Variants in RNF224 observed in about 807,000 individuals in gnomAD.
The protein encoded by RNF224 is ring finger protein 224.
RNF224 carries 1 observed loss-of-function variant against 2.9 expected under a neutral mutation model. The ratio of observed to expected loss-of-function variants is 0.35; its 90% CI spans 0.12 to 1.66. The LOEUF is 1.66. RNF224 is among the 40% of genes most tolerant of loss of function. The probability of loss-of-function intolerance (pLI) is 0.35; values close to 1 mark genes in which losing one functional copy is unlikely to be tolerated. For missense variants in RNF224, 254 were observed against 221.8 expected (o/e 1.15, Z -0.92); for synonymous variants, 116 against 97.6 (o/e 1.19, Z -1.11).
Position 137,228,188 on chromosome 9 carries a change from C to A in RNF224, c.-148C>A. ...AGGCTTTGTGGCTGAAACGGGAGCCCACGCCCGCCACAGCTGGCCACCTGC... is the reference window on the plus strand; with the variant it reads ...AGGCTTTGTGGCTGAAACGGGAGCCAACGCCCGCCACAGCTGGCCACCTGC... On this transcript the variant is annotated 5_prime_UTR_variant, in exon 2 of 3. Transcript: ENST00000445101. 1.4e-6 allele frequency: 1 copy of A among 698,376 alleles called. No individual in the cohort carries two copies. Among genetic ancestry groups the A allele is most frequent in the Non-Finnish European group, 2.4e-6 (1 of 424,980 alleles). The allele number at this position is 698,376 out of a possible 1,614,324, so 43.3% of individuals were successfully genotyped here. A position where few individuals can be genotyped will look rare whatever the true frequency, so the allele number is the denominator to read the frequency against.
chr9:137,228,967 C>T lies in RNF224; in HGVS notation c.352C>T (p.Arg118Trp), dbSNP rs550256279. The change falls in exon 3 of 3, where the codon CGG (arginine) becomes TGG (tryptophan). Residue 118 changes from arginine to tryptophan, a missense_variant. By Grantham distance (101) the Arg-to-Trp change is moderately radical. Coordinates refer to ENST00000445101, the MANE Select transcript of RNF224 (RefSeq NM_001190228.2). ...LTSLKGSAIT[R>W]QPAGLCPALG... ...CTCCCTCAAAGGCAGCGCCATCACT[C>T]GGCAGCCAGCTGGGCTGTGCCCTGC... 1.3e-4 allele frequency: 193 copies of T among 1,535,684 alleles called. No individual in the cohort carries two copies. The African/African-American group carries it at 2.2e-3, about 18-fold the overall frequency.
At chr9:137,228,582 C>T (rs1836036124) in intron 2 of RNF224, 40 bp from the exon 3 acceptor site, 1 of 1,397,408 alleles carries the variant, frequency 7.2e-7, no homozygotes, top group Admixed American at 2.8e-5. Flanking sequence ...GGCGGAAGGT[C>T]CTCGAGGCAG....
At position 137,229,047 on chromosome 9, in the gene RNF224, C is replaced by T; in HGVS notation, c.432C>T (p.Gly144=). Residue 144 remains glycine (G), a synonymous_variant, in exon 3 of 3, where the codon GGC becomes GGT. Coordinates refer to ENST00000445101, the MANE Select transcript of RNF224 (RefSeq NM_001190228.2). ...CCAGATACTGCTGCTGGGGCTGTGG[C>T]AGCCTCTGCTGCCCACCCCTAGGCA... The part of the protein sequence containing the change: ...PQPRYCCWGC[G]SLCCPPLGSP... 1 of 1,533,666 alleles carries T rather than the reference C, an allele frequency of 6.5e-7. No homozygotes were observed. The highest frequency in any genetic ancestry group is 8.7e-7 in the Non-Finnish European group (1 of 1,145,230).
intron 1 of RNF224, 45 bp from the exon 2 acceptor site, chr9:137,228,107 G>A (rs1309358303): frequency 1.1e-5 from 6 of 549,942 alleles, no homozygotes; most frequent in Non-Finnish European, 1.9e-5. Context: ...GGGTGGGCAG[G>A]GGGCGGGGGG....
In RNF224 at chr9:137,229,233, G is replaced by A. The variant is rs914754381; in HGVS notation, c.*147G>A. On this transcript the variant is annotated 3_prime_UTR_variant, in exon 3 of 3. Transcript: ENST00000445101. Reference sequence around the variant, plus strand: ...GGCCCAGCAGGGTGGTGTCATCCCAGCCGTGAACATCCCAGGCCACAGCCT... The same window carrying A: ...GGCCCAGCAGGGTGGTGTCATCCCAACCGTGAACATCCCAGGCCACAGCCT... 2 of 610,828 alleles carry A rather than the reference G, an allele frequency of 3.3e-6. No homozygotes were observed. Among genetic ancestry groups the A allele is most frequent in the East Asian group, 5.5e-5 (2 of 36,276 alleles). 37.8% of individuals were successfully genotyped at this position (610,828 alleles called of 1,614,324 possible).
In RNF224 at chr9:137,228,283, C is replaced by T; in HGVS notation, c.-53C>T. 1.3e-6 allele frequency: 2 copies of T among 1,527,754 alleles called. No homozygotes were observed. The highest frequency in any genetic ancestry group is 1.8e-6 in the Non-Finnish European group (2 of 1,142,432). The allele number at this position is 1,527,754 out of a possible 1,614,324, so 94.6% of individuals were successfully genotyped here. A position where few individuals can be genotyped will look rare whatever the true frequency, so the allele number is the denominator to read the frequency against. ...GGAGCCGCAGGGCGCCCTGGGTCCC[C>T]CACTCCCTTCTCCGGCCACCCCGTG... On this transcript the variant is annotated 5_prime_UTR_variant, in exon 2 of 3. Transcript: ENST00000445101.
rs1433680714 is a variant in RNF224, at chr9:137,228,931, CT to C, written c.317del (p.Leu106ArgfsTer46). The C allele has an allele frequency of 3.9e-6, 6 of 1,535,776 alleles. No individual in the cohort carries two copies. On this transcript the variant is annotated frameshift_variant, in exon 3 of 3. Coordinates refer to ENST00000445101, the MANE Select transcript of RNF224 (RefSeq NM_001190228.2). LOFTEE classifies it low-confidence loss of function (END_TRUNC). Reference protein sequence around the residue: ...AEREPARLEPLPLTSLKGSAI... With the variant: ...AEREPARLEPXPLTSLKGSAI... ...GCGGGAGCCGGCAAGACTAGAACCC[CT>C]GCCCCTCACCTCCCTCAAAGGCAGC...
At position 137,229,165 on chromosome 9, in the gene RNF224, C is replaced by G. The variant is rs1375096660; in HGVS notation, c.*79C>G. On this transcript the variant is annotated 3_prime_UTR_variant, in exon 3 of 3. Transcript: ENST00000445101. ...CACACACCATCATGGGTTCAGCCCA[C>G]TCAGAACAACCTGGCAGTAGCATCC... The G allele has an allele frequency of 2.4e-6, 2 of 825,210 alleles. No individual in the cohort carries two copies. The highest frequency in any genetic ancestry group is 3.8e-6 in the Non-Finnish European group (2 of 526,700). The allele number at this position is 825,210 out of a possible 1,614,324, so 51.1% of individuals were successfully genotyped here.
At position 137,229,168 on chromosome 9, in the gene RNF224, A is replaced by G. The variant is rs1226213828; in HGVS notation, c.*82A>G. 3 of 809,648 alleles carry G rather than the reference A, an allele frequency of 3.7e-6. No homozygotes were observed. The highest frequency in any genetic ancestry group is 5.8e-6 in the Non-Finnish European group (3 of 513,498). 50.2% of individuals were successfully genotyped at this position (809,648 alleles called of 1,614,324 possible). On this transcript the variant is annotated 3_prime_UTR_variant, in exon 3 of 3. Transcript: ENST00000445101. ...ACACCATCATGGGTTCAGCCCACTC[A>G]GAACAACCTGGCAGTAGCATCCTAT... is the stretch of plus-strand genomic sequence containing the variant.
At position 137,228,270 on chromosome 9, in the gene RNF224, C is replaced by T. The variant is rs1263611376; in HGVS notation, c.-66C>T. On this transcript the variant is annotated 5_prime_UTR_variant, in exon 2 of 3. Transcript: ENST00000445101. ...TGCAACCCAGGAGGGAGCCGCAGGGCGCCCTGGGTCCCCCACTCCCTTCTC... is the reference window on the plus strand; with the variant it reads ...TGCAACCCAGGAGGGAGCCGCAGGGTGCCCTGGGTCCCCCACTCCCTTCTC... 14 of 1,506,370 alleles carry T rather than the reference C, an allele frequency of 9.3e-6. No homozygotes were observed. Among genetic ancestry groups the T allele is most frequent in the South Asian group, 2.4e-5 (2 of 83,166 alleles). 93.3% of individuals were successfully genotyped at this position (1,506,370 alleles called of 1,614,324 possible). A position where few individuals can be genotyped will look rare whatever the true frequency, so the allele number is the denominator to read the frequency against.
rs536299179 is a variant in RNF224 at position 137,228,264 on chromosome 9, G to A, written c.-72G>A. 7.4e-6 allele frequency: 11 copies of A among 1,484,678 alleles called. No homozygotes were observed. The East Asian group carries it at 7.6e-5, about 10-fold the overall frequency. 92.0% of individuals were successfully genotyped at this position (1,484,678 alleles called of 1,614,324 possible). On this transcript the variant is annotated 5_prime_UTR_variant, in exon 2 of 3. Transcript: ENST00000445101. Reference sequence around the variant, plus strand: ...CAGTAATGCAACCCAGGAGGGAGCCGCAGGGCGCCCTGGGTCCCCCACTCC... The same window carrying A: ...CAGTAATGCAACCCAGGAGGGAGCCACAGGGCGCCCTGGGTCCCCCACTCC...
chr9:137,229,277 G>C lies in RNF224; in HGVS notation c.*191G>C. ...ACAGCCTAAGGTTGGGGGCTGGGAGGCTCCGCAGGAGGCTGGTGACCTCCC... is the reference window on the plus strand; with the variant it reads ...ACAGCCTAAGGTTGGGGGCTGGGAGCCTCCGCAGGAGGCTGGTGACCTCCC... On this transcript the variant is annotated 3_prime_UTR_variant, in exon 3 of 3. Coordinates refer to ENST00000445101, the MANE Select transcript of RNF224 (RefSeq NM_001190228.2). 1 of 593,050 alleles carries C rather than the reference G, an allele frequency of 1.7e-6. No homozygotes were observed. The allele number at this position is 593,050 out of a possible 1,614,324, so 36.7% of individuals were successfully genotyped here.
In RNF224 at chr9:137,228,921, A is replaced by C; in HGVS notation, c.306A>C (p.Arg102Ser). 1 of 1,535,686 alleles carries C rather than the reference A, an allele frequency of 6.5e-7. No homozygotes were observed. Among genetic ancestry groups the C allele is most frequent in the Non-Finnish European group, 8.7e-7 (1 of 1,146,800 alleles). ...TCAAGGCTGAGCGGGAGCCGGCAAG[A>C]CTAGAACCCCTGCCCCTCACCTCCC... is the stretch of plus-strand genomic sequence containing the variant. ...LAVKAEREPARLEPLPLTSLK... is the reference protein window; with the variant it reads ...LAVKAEREPASLEPLPLTSLK... The change falls in exon 3 of 3, where the codon AGA (arginine) becomes AGC (serine). Residue 102 changes from arginine (R) to serine (S), a missense_variant. Physicochemically the swap from Arg to Ser is moderately radical, Grantham distance 110. Transcript: ENST00000445101.
intron 1 of RNF224, 29 bp downstream of exon 1, chr9:137,227,890 G>C: frequency 5.8e-6 from 1 of 173,728 alleles, no homozygotes; most frequent in South Asian, 1.3e-4. Flanking sequence ...ATGGAGGGGA[G>C]GTTAAGGGAA....
rs990698744 is a variant in RNF224, at chr9:137,229,212, C to T, written c.*126C>T. ...ATCCTATACGCAGCTTCGTGTGGCC[C>T]AGCAGGGTGGTGTCATCCCAGCCGT... On this transcript the variant is annotated 3_prime_UTR_variant, in exon 3 of 3. Transcript: ENST00000445101. The T allele has an allele frequency of 1.3e-5, 8 of 632,018 alleles. No individual in the cohort carries two copies. Among genetic ancestry groups the T allele is most frequent in the African/African-American group, 7.3e-5 (4 of 54,664 alleles). The allele number at this position is 632,018 out of a possible 1,614,324, so 39.2% of individuals were successfully genotyped here.
rs1588834987 is a variant in RNF224 at position 137,228,912 on chromosome 9, G to A, written c.297G>A (p.Glu99=). The change falls in exon 3 of 3, where the codon GAG becomes GAA. Residue 99 remains glutamate, a synonymous_variant. Transcript: ENST00000445101. The part of the protein sequence containing the change: ...AAFLAVKAER[E]PARLEPLPLT... ...TCCTGGCGGTCAAGGCTGAGCGGGA[G>A]CCGGCAAGACTAGAACCCCTGCCCC... The A allele has an allele frequency of 6.5e-7, 1 of 1,535,608 alleles. No individual in the cohort carries two copies. The highest frequency in any genetic ancestry group is 8.7e-7 in the Non-Finnish European group (1 of 1,146,838).
chr9:137,228,651 C>A lies in RNF224; in HGVS notation c.36C>A (p.Leu12=), dbSNP rs750218981. Residue 12 remains leucine (L), a synonymous_variant, in exon 3 of 3, where the codon CTC becomes CTA. Transcript: ENST00000445101. ...QDAAAGGPPG[L]GGGGPPEERT... is the part of the protein sequence containing the mutation. ...CTGCAGCCGGAGGGCCCCCAGGCCT[C>A]GGAGGAGGGGGGCCCCCGGAGGAGA... 3 of 1,453,948 alleles carry A rather than the reference C, an allele frequency of 2.1e-6. No individual in the cohort carries two copies. Among genetic ancestry groups the A allele is most frequent in the Non-Finnish European group, 9.1e-7 (1 of 1,104,006 alleles). 90.1% of individuals were successfully genotyped at this position (1,453,948 alleles called of 1,614,324 possible).
chr9:137,228,721 CA>C lies in RNF224; in HGVS notation c.107del (p.His36ProfsTer49), dbSNP rs1836041635. 1.3e-6 allele frequency: 2 copies of C among 1,528,946 alleles called. No homozygotes were observed. The highest frequency in any genetic ancestry group is 2.7e-5 in the African/African-American group (2 of 72,896). The allele number at this position is 1,528,946 out of a possible 1,614,324, so 94.7% of individuals were successfully genotyped here. On this transcript the variant is annotated frameshift_variant, in exon 3 of 3. Coordinates refer to ENST00000445101, the MANE Select transcript of RNF224 (RefSeq NM_001190228.2). LOFTEE classifies it low-confidence loss of function (END_TRUNC). ...ICCSAYDLSG[H>X]LPRRLYCGHT... ...CTGCTCGGCCTATGACCTCTCCGGG[CA>C]CCTGCCCCGCCGCCTCTACTGTGGA...
At position 137,228,510 on chromosome 9, in the gene RNF224, C is replaced by T. The variant is rs1176660749; in HGVS notation, c.7-112C>T. 12 of 1,092,626 alleles carry T rather than the reference C, an allele frequency of 1.1e-5. No individual in the cohort carries two copies. The Admixed American group carries it at 2.9e-4, about 27-fold the overall frequency. The allele number at this position is 1,092,626 out of a possible 1,614,324, so 67.7% of individuals were successfully genotyped here. Reference sequence around the variant, plus strand: ...ACGCTCCCTCCCAGGTCTGCACGCACCACCCCCACAGACCCAGCGCCTGAC... The same window carrying T: ...ACGCTCCCTCCCAGGTCTGCACGCATCACCCCCACAGACCCAGCGCCTGAC... On this transcript the variant is annotated intron_variant, in intron 2 of 2. Coordinates refer to ENST00000445101, the MANE Select transcript of RNF224 (RefSeq NM_001190228.2).
Sources: allele counts gnomAD v4.1 joint callset, GRCh38; gene constraint gnomAD v4.1.1; transcripts MANE v1.5; gene names NCBI Gene and HGNC (gene_info 2026-07-23, HGNC 2026-07-21).